The following ALKBH8 variants were observed in gnomAD, a reference collection of about 807,000 sequenced individuals.
ALKBH8 encodes alkB homolog 8, tRNA methyltransferase, also known as tRNA (carboxymethyluridine(34)-5-O)-methyltransferase ALKBH8.
In ALKBH8, 36 loss-of-function variants were observed where a neutral mutation model predicts 59.8. That is an observed-to-expected ratio of 0.60 (90% CI 0.46 to 0.79). The LOEUF is 0.79. Ranked by LOEUF, ALKBH8 falls within the 30% of genes least tolerant of loss-of-function variation. ALKBH8 has a pLI of 0.00. For missense variants in ALKBH8, 768 were observed against 801.0 expected (o/e 0.96, Z 0.50); for synonymous variants, 276 against 273.6 (o/e 1.01, Z -0.09).
At chr11:107,508,472 C>A (rs1223125219) in intron 11 of ALKBH8, among the ~76,000 whole-genome samples, 1 of 152,118 alleles carries the variant, frequency 6.6e-6, no homozygotes, top group East Asian at 1.9e-4. Context: ...GACAGCTGGC[C>A]TCAATGACTT....
chr11:107,540,751 T>C (rs935725860), intron 7 of ALKBH8, among the ~76,000 whole-genome samples: 1 of 152,196 alleles, frequency 6.6e-6, no homozygotes, highest in African/African-American at 2.4e-5. Context: ...ACAAACCACT[T>C]CGATAAAATT....
At chr11:107,522,111 A>G (rs1021089003) in intron 10 of ALKBH8, among the ~76,000 whole-genome samples, 188 bp downstream of exon 10, 3 of 152,218 alleles carry the variant, frequency 2.0e-5, no homozygotes, top group African/African-American at 7.2e-5. Flanking sequence ...AAAAAAAATT[A>G]TATAATGATG....
intron 8 of ALKBH8, 32 bp downstream of exon 8, chr11:107,532,266 AAG>A (rs1426408434): frequency 6.4e-7 from 1 of 1,565,070 alleles, no homozygotes; most frequent in South Asian, 1.2e-5. Flanking sequence ...AAGTCTCATA[AAG>A]AAAAAGAATC....
chr11:107,525,593 C>A lies in ALKBH8; in HGVS notation c.879-1G>T. 7.3e-7 allele frequency: 1 copy of A among 1,370,792 alleles called. No individual in the cohort carries two copies. The highest frequency in any genetic ancestry group is 1.9e-5 in the South Asian group (1 of 52,960). The allele number at this position is 1,370,792 out of a possible 1,614,324, so 84.9% of individuals were successfully genotyped here. A position where few individuals can be genotyped will look rare whatever the true frequency, so the allele number is the denominator to read the frequency against. On this transcript the variant is annotated splice_acceptor_variant, in intron 8 of 11. Transcript: ENST00000428149. LOFTEE classifies it high-confidence loss of function. ...AGTATCAAATTTTCTGCACGTGATT[C>A]TAAAAACAATAGTCAAAAAAATTTA...
At chr11:107,557,359 C>G (rs1864760882) in intron 2 of ALKBH8, among the ~76,000 whole-genome samples, 1 of 152,180 alleles carries the variant, frequency 6.6e-6, no homozygotes. Flanking sequence ...ATAACACTTG[C>G]TTTTTGGCAA....
intron 10 of ALKBH8, among the ~76,000 whole-genome samples, chr11:107,514,353 T>C (rs1186816046): frequency 6.6e-6 from 1 of 152,190 alleles, no homozygotes; most frequent in African/African-American, 2.4e-5. Context: ...TTAAATCACA[T>C]TGCCATACTA....
intron 3 of ALKBH8, among the ~76,000 whole-genome samples, chr11:107,554,941 T>C (rs1864643714): frequency 6.6e-6 from 1 of 152,226 alleles, no homozygotes; most frequent in Non-Finnish European, 1.5e-5. Context: ...TGCTGCCTGG[T>C]AGCAGATATC....
chr11:107,535,884 T>G (rs1282441501), intron 7 of ALKBH8, among the ~76,000 whole-genome samples: 1 of 152,066 alleles, frequency 6.6e-6, no homozygotes, highest in Non-Finnish European at 1.5e-5. Context: ...CAGAACTTGC[T>G]TCAAATGTAG....
At position 107,539,947 on chromosome 11, in the gene ALKBH8, A is replaced by T. The variant is rs143248056; in HGVS notation, c.772-7541T>A. Among the ~76,000 whole-genome samples the T allele has an allele frequency of 4.6e-5, 7 of 152,328 alleles. No individual in the cohort carries two copies. In the East Asian group the frequency reaches 1.4e-3, roughly 29 times the overall value. ...AAGTACAAGCCTCAATAATCTGGTC[A>T]TGAGAGGAGAAAAACTGCACACATG... is the stretch of plus-strand genomic sequence containing the variant. On this transcript the variant is annotated intron_variant, in intron 7 of 11. Coordinates refer to ENST00000428149, the MANE Select transcript of ALKBH8 (RefSeq NM_138775.3).
intron 7 of ALKBH8, among the ~76,000 whole-genome samples, chr11:107,548,373 T>G (rs975324308): frequency 5.3e-5 from 8 of 152,214 alleles, no homozygotes; most frequent in Non-Finnish European, 1.0e-4. Flanking sequence ...CTGCCATCAG[T>G]TTTCTCAGTA....
chr11:107,524,275 G>A (rs1863258768), intron 9 of ALKBH8, among the ~76,000 whole-genome samples: 1 of 151,760 alleles, frequency 6.6e-6, no homozygotes, highest in Non-Finnish European at 1.5e-5. Context: ...TGTTGTCCAA[G>A]CTGATTTTGA....
intron 2 of ALKBH8, among the ~76,000 whole-genome samples, chr11:107,557,469 G>A (rs1157907382): frequency 6.6e-6 from 1 of 152,106 alleles, no homozygotes; most frequent in Non-Finnish European, 1.5e-5. Context: ...CATAGAAGAA[G>A]ATCTGACAAA....
At chr11:107,546,655 C>A (rs1864270425) in intron 7 of ALKBH8, among the ~76,000 whole-genome samples, 1 of 152,038 alleles carries the variant, frequency 6.6e-6, no homozygotes, top group African/African-American at 2.4e-5. Context: ...ACTTGTTTTG[C>A]CTTGTAATCA....
At position 107,560,858 on chromosome 11, in the gene ALKBH8, A is replaced by G. The variant is rs1328722602; in HGVS notation, c.36T>C (p.Ser12=). The G allele has an allele frequency of 1.2e-6, 2 of 1,613,122 alleles. No homozygotes were observed. The highest frequency in any genetic ancestry group is 1.1e-5 in the South Asian group (1 of 91,022). The change falls in exon 2 of 12, where the codon AGT becomes AGC. Residue 12 remains serine (S), a synonymous_variant. Coordinates refer to ENST00000428149, the MANE Select transcript of ALKBH8 (RefSeq NM_138775.3). ...DSNHQSNYKL[S]KTEKKFLRKQ... is the part of the protein sequence containing the mutation. The stretch of plus-strand genomic sequence containing the variant: ...TCCTTAAGAACTTCTTCTCAGTTTT[A>G]CTGAGTTTGTAATTACTTTGATGGT...
intron 10 of ALKBH8, among the ~76,000 whole-genome samples, chr11:107,515,811 A>C (rs1167601792): frequency 6.6e-6 from 1 of 152,236 alleles, no homozygotes; most frequent in Non-Finnish European, 1.5e-5. Context: ...AAATATTTTA[A>C]AACTAAAATA....
chr11:107,525,450 A>C lies in ALKBH8; in HGVS notation c.1021T>G (p.Cys341Gly). The C allele has an allele frequency of 6.5e-7, 1 of 1,544,914 alleles. No individual in the cohort carries two copies. The change falls in exon 9 of 12, where the codon TGT becomes GGT. Residue 341 changes from cysteine (C) to glycine (G), a missense_variant. Transcript: ENST00000428149. ...AAGAGTATATACTTACTACAGTTACAAGGTGTTTGCCTCACTTTCCTAAAT... is the reference window on the plus strand; with the variant it reads ...AAGAGTATATACTTACTACAGTTACCAGGTGTTTGCCTCACTTTCCTAAAT... ...FTFRKVRQTPCNCSYPLVCDS... is the reference protein window; with the variant it reads ...FTFRKVRQTPGNCSYPLVCDS...
intron 10 of ALKBH8, among the ~76,000 whole-genome samples, chr11:107,517,518 A>G (rs543336670): frequency 6.6e-6 from 1 of 152,360 alleles, no homozygotes; most frequent in African/African-American, 2.4e-5. Context: ...ATCAATCTAA[A>G]TATCCATCAA....
At chr11:107,544,958 A>G (rs1250407793) in intron 7 of ALKBH8, among the ~76,000 whole-genome samples, 1 of 152,094 alleles carries the variant, frequency 6.6e-6, no homozygotes, top group African/African-American at 2.4e-5. Flanking sequence ...TAAATAAGCT[A>G]TAAAGAATGA....
At chr11:107,543,851 C>T (rs1417017406) in intron 7 of ALKBH8, among the ~76,000 whole-genome samples, 1 of 151,932 alleles carries the variant, frequency 6.6e-6, no homozygotes, top group African/African-American at 2.4e-5. Flanking sequence ...ACCCCACATT[C>T]AGATGGTTTC....
Sources: allele counts gnomAD v4.1 joint callset (sites outside exome capture counted in the v4.1 genomes callset), GRCh38; gene constraint gnomAD v4.1.1; transcripts MANE v1.5; gene names NCBI Gene and HGNC (gene_info 2026-07-23, HGNC 2026-07-21).